KCNN2: variants seen among roughly 807,000 people sequenced by gnomAD.
The protein encoded by KCNN2 is potassium calcium-activated channel subfamily N member 2.
A neutral mutation model predicts 55.5 loss-of-function variants in KCNN2; 24 were observed. That is an observed-to-expected ratio of 0.43 (90% CI 0.31 to 0.61). The LOEUF (loss-of-function observed/expected upper bound fraction) is 0.61, where lower values mean the gene tolerates loss of function less well. KCNN2 is among the 20% of genes least tolerant of loss of function. KCNN2 has a pLI of 0.08. For missense variants in KCNN2, 754 were observed against 853.6 expected (o/e 0.88, Z 1.45); for synonymous variants, 431 against 336.1 (o/e 1.28, Z -3.09).
At chr5:114,412,421 T>C (rs889160044) in intron 3 of KCNN2, among the ~76,000 whole-genome samples, 1 of 127,298 alleles carries the variant, frequency 7.9e-6, no homozygotes, top group Non-Finnish European at 1.6e-5. Context: ...TAAGATTCAA[T>C]ATGTGATCAA....
chr5:114,160,457 G>A (rs961485280), intron 1 of KCNN2, among the ~76,000 whole-genome samples: 1 of 152,154 alleles, frequency 6.6e-6, no homozygotes, highest in Non-Finnish European at 1.5e-5. Flanking sequence ...GTGTGGTCTG[G>A]TGCTGAAAAG....
intron 1 of KCNN2, among the ~76,000 whole-genome samples, chr5:114,160,550 G>T (rs1752749059): frequency 1.3e-5 from 2 of 152,196 alleles, no homozygotes; most frequent in South Asian, 2.1e-4. Flanking sequence ...TTCAATTCCT[G>T]GATATCCTTT....
At chr5:114,216,853 T>A (rs1754014342) in intron 1 of KCNN2, among the ~76,000 whole-genome samples, 1 of 152,122 alleles carries the variant, frequency 6.6e-6, no homozygotes, top group Admixed American at 6.6e-5. Flanking sequence ...ATGACGTGAT[T>A]ATCTATGCAG....
chr5:114,379,780 CAT>C (rs10687705), intron 2 of KCNN2, among the ~76,000 whole-genome samples: 9,105 of 102,204 alleles, frequency 0.089, 1,800 homozygotes, highest in African/African-American at 0.29. Context: ...TATTATATAA[CAT>C]ATATATTTAT....
chr5:114,487,053 A>G lies in KCNN2; in HGVS notation c.1894A>G (p.Lys632Glu). 1 of 1,612,966 alleles carries G rather than the reference A, an allele frequency of 6.2e-7. No homozygotes were observed. Among genetic ancestry groups the G allele is most frequent in the Non-Finnish European group, 8.5e-7 (1 of 1,179,304 alleles). Residue 632 changes from lysine (K) to glutamate (E), a missense_variant, in exon 6 of 8, where the codon AAA (lysine) becomes GAA (glutamate). Around this residue, in one of 4 missense-constraint regions of KCNN2, gnomAD observed 86 missense variants for 233.0 expected, o/e 0.37. Transcript: ENST00000673685. Reference sequence around the variant, plus strand: ...GCTTTGTTTGTTCTCTTAACAGGTAAAAAATGCAGCTGCCAATGTACTCAG... The same window carrying G: ...GCTTTGTTTGTTCTCTTAACAGGTAGAAAATGCAGCTGCCAATGTACTCAG... ...MMDTQLTKRV[K>E]NAAANVLRET...
At chr5:114,241,758 A>G (rs1408122357) in intron 2 of KCNN2, among the ~76,000 whole-genome samples, 377 of 20,892 alleles carry the variant, frequency 0.018, 76 homozygotes, top group African/African-American at 0.046. Flanking sequence ...ATATGTATAT[A>G]TATACGTATA....
intron 1 of KCNN2, among the ~76,000 whole-genome samples, chr5:114,201,698 G>C (rs1312799687): frequency 6.6e-6 from 1 of 152,140 alleles, no homozygotes; most frequent in Non-Finnish European, 1.5e-5. Context: ...CACCAGAGAA[G>C]GCGGGGTCCC....
intron 5 of KCNN2, among the ~76,000 whole-genome samples, chr5:114,479,640 C>T (rs893383733): frequency 6.6e-6 from 1 of 152,138 alleles, no homozygotes; most frequent in Non-Finnish European, 1.5e-5. Flanking sequence ...GTATAACACT[C>T]CTCAGCAAAT....
intron 2 of KCNN2, among the ~76,000 whole-genome samples, chr5:114,307,599 C>T (rs532047658): frequency 9.9e-4 from 151 of 152,280 alleles, no homozygotes; most frequent in African/African-American, 3.5e-3. Flanking sequence ...TCACTGTGGT[C>T]TCAAAGATGT....
chr5:114,431,800 A>G (rs1759805143), intron 3 of KCNN2, among the ~76,000 whole-genome samples: 1 of 152,080 alleles, frequency 6.6e-6, no homozygotes, highest in South Asian at 2.1e-4. Flanking sequence ...TTACTTTAAA[A>G]TATTTTTAAA....
intron 3 of KCNN2, among the ~76,000 whole-genome samples, chr5:114,435,774 A>G (rs1268387489): frequency 6.6e-6 from 1 of 152,240 alleles, no homozygotes; most frequent in East Asian, 1.9e-4. Context: ...ATCATTTTAA[A>G]TTAAAGTCTT....
intron 2 of KCNN2, among the ~76,000 whole-genome samples, chr5:114,238,390 C>T (rs139249839): frequency 0.039 from 5,915 of 152,092 alleles, 151 homozygotes; most frequent in Middle Eastern, 0.061. Context: ...CTTTGGGAGG[C>T]CGAGGCGGGT....
chr5:114,107,280 G>GTT (rs113616764), intron 1 of KCNN2, among the ~76,000 whole-genome samples: 1 of 151,728 alleles, frequency 6.6e-6, no homozygotes, highest in Non-Finnish European at 1.5e-5. Context: ...GTACCATAGT[G>GTT]TTTTTTTTAC....
chr5:114,466,901 C>T (rs992801292), intron 4 of KCNN2, among the ~76,000 whole-genome samples: 5 of 152,086 alleles, frequency 3.3e-5, no homozygotes, highest in Non-Finnish European at 7.4e-5. Flanking sequence ...TCTATGTAAA[C>T]AAAAGCAATG....
At chr5:114,230,123 T>C (rs1427456483) in intron 2 of KCNN2, among the ~76,000 whole-genome samples, 1 of 152,176 alleles carries the variant, frequency 6.6e-6, no homozygotes, top group East Asian at 1.9e-4. Flanking sequence ...TAGTAATTAA[T>C]TTTGTCCTTT....
chr5:114,364,129 T>A, intron 2 of KCNN2, 128 bp downstream of exon 2: 1 of 681,616 alleles, frequency 1.5e-6, no homozygotes, highest in Non-Finnish European at 2.6e-6. Context: ...ACATGCTGTA[T>A]TGTTACCGTT....
intron 2 of KCNN2, among the ~76,000 whole-genome samples, chr5:114,389,227 C>T (rs147650670): frequency 6.6e-6 from 1 of 152,096 alleles, no homozygotes; most frequent in African/African-American, 2.4e-5. Flanking sequence ...GTTCGTTTCT[C>T]CTTTGCTGAA....
intron 2 of KCNN2, among the ~76,000 whole-genome samples, chr5:114,275,199 G>A (rs1425676005): frequency 6.6e-6 from 1 of 152,130 alleles, no homozygotes; most frequent in Non-Finnish European, 1.5e-5. Flanking sequence ...TGATCGTGGT[G>A]GATAAGCTTT....
chr5:114,458,397 G>A (rs190562289), intron 3 of KCNN2, among the ~76,000 whole-genome samples: 1 of 152,080 alleles, frequency 6.6e-6, no homozygotes, highest in African/African-American at 2.4e-5. Flanking sequence ...AACATAACAC[G>A]ACAAATCCAA....
Sources: gnomAD v4.1 joint callset for allele counts (sites outside exome capture counted in the v4.1 genomes callset) on GRCh38, gnomAD v4.1.1 for gene constraint, gnomAD v4.1.1 regional missense constraint, MANE v1.5 for transcripts, NCBI Gene and HGNC (gene_info 2026-07-23, HGNC 2026-07-21) for gene names.